UGGT2: variants seen among roughly 807,000 people sequenced by gnomAD.
UGGT2 encodes the protein UDP-glucose:glycoprotein glucosyltransferase 2.
Under a neutral mutation model 192.1 loss-of-function variants are expected in UGGT2, and 180 were observed. That is an observed-to-expected ratio of 0.94 (90% CI 0.83 to 1.06). UGGT2 has a LOEUF of 1.06. Among genes scored for constraint, UGGT2 ranks in the 50% least tolerant of loss-of-function variants. The pLI is 0.00. For synonymous variants in UGGT2, 580 were observed against 591.0 expected (o/e 0.98, Z 0.27); for missense variants, 1,849 against 1,795.7 (o/e 1.03, Z -0.54).
chr13:95,826,639 C>CTA (rs375247442), intron 38 of UGGT2, among the ~76,000 whole-genome samples: 30 of 150,674 alleles, frequency 2.0e-4, no homozygotes, highest in East Asian at 5.8e-4. Context: ...AAAGCTTAAA[C>CTA]TATATATATA....
chr13:95,864,722 C>A (rs182611336), intron 30 of UGGT2, among the ~76,000 whole-genome samples: 96 of 152,220 alleles, frequency 6.3e-4, no homozygotes, highest in Non-Finnish European at 9.9e-4. Context: ...AGACATTTTT[C>A]TTAAAGTTCA....
chr13:95,903,929 G>A (rs538358623), intron 20 of UGGT2, among the ~76,000 whole-genome samples: 1 of 152,120 alleles, frequency 6.6e-6, no homozygotes, highest in Admixed American at 6.5e-5. Context: ...TATCTCATCA[G>A]GGTTTTAATT....
At position 95,869,959 on chromosome 13, in the gene UGGT2, A is replaced by G. The variant is rs974774346; in HGVS notation, c.3474-2536T>C. Among the ~76,000 whole-genome samples the G allele has an allele frequency of 2.6e-5, 4 of 152,230 alleles. 1 individual carries two copies. The highest frequency in any genetic ancestry group is 1.3e-4 in the Admixed American group (2 of 15,288). On this transcript the variant is annotated intron_variant, in intron 29 of 38. Transcript: ENST00000376747. ...CATGTGTCTCCTGAAATTCTAAAAA[A>G]CAATTTATATTTTCAGAGAAGAAAT...
rs1027490353 is a variant in UGGT2, at chr13:96,018,792, C to T, written c.485+4248G>A. Among the ~76,000 whole-genome samples the T allele has an allele frequency of 1.4e-5, 2 of 142,886 alleles. 1 individual carries two copies. Among genetic ancestry groups the T allele is most frequent in the South Asian group, 4.6e-4 (2 of 4,310 alleles). 93.7% of individuals were successfully genotyped at this position (142,886 alleles called of 152,430 possible). On this transcript the variant is annotated intron_variant, in intron 4 of 38. Transcript: ENST00000376747. ...ACCAAGTGTTTAGCTCAACCACAGA[C>T]AGAAGAAAATACATAAATGCAAAAC...
Position 95,801,673 on chromosome 13 carries a change from G to T in UGGT2, c.*117C>A. On this transcript the variant is annotated 3_prime_UTR_variant, in exon 39 of 39. Coordinates refer to ENST00000376747, the MANE Select transcript of UGGT2 (RefSeq NM_020121.4). ...ATAATTACAATTTTTTAAAATTAAAGAATATGTCACTGATCTTAACGAGAC... is the reference window on the plus strand; with the variant it reads ...ATAATTACAATTTTTTAAAATTAAATAATATGTCACTGATCTTAACGAGAC... 1 of 982,622 alleles carries T rather than the reference G, an allele frequency of 1.0e-6. No homozygotes were observed. Among genetic ancestry groups the T allele is most frequent in the East Asian group, 2.6e-5 (1 of 39,012 alleles). 60.9% of individuals were successfully genotyped at this position (982,622 alleles called of 1,614,324 possible).
At chr13:95,852,425 G>A (rs2140028052) in intron 36 of UGGT2, among the ~76,000 whole-genome samples, 1 of 152,198 alleles carries the variant, frequency 6.6e-6, no homozygotes, top group African/African-American at 2.4e-5. Context: ...ATTTATACCT[G>A]CAAGCCCCAG....
At chr13:95,961,010 G>T (rs772737324) in intron 12 of UGGT2, among the ~76,000 whole-genome samples, 4 of 152,174 alleles carry the variant, frequency 2.6e-5, no homozygotes, top group Non-Finnish European at 5.9e-5. Flanking sequence ...TTCACCACTA[G>T]ACCAGCCCTG....
intron 26 of UGGT2, chr13:95,887,349 T>C (rs747750268): frequency 2.0e-6 from 1 of 507,226 alleles, no homozygotes; most frequent in Non-Finnish European, 3.9e-6. Context: ...TGAATGACAG[T>C]GATTCTGATC....
At chr13:95,967,588 C>A (rs184270204) in intron 12 of UGGT2, among the ~76,000 whole-genome samples, 216 of 151,456 alleles carry the variant, frequency 1.4e-3, no homozygotes, top group African/African-American at 4.8e-3. Context: ...ATTTTCCTGC[C>A]TCAGCCTCCC....
At chr13:95,910,304 TAA>T (rs2048447635) in intron 20 of UGGT2, among the ~76,000 whole-genome samples, 3 of 152,080 alleles carry the variant, frequency 2.0e-5, no homozygotes, top group South Asian at 4.1e-4. Flanking sequence ...GGAAATTGGA[TAA>T]AGAGTCAAGA....
chr13:96,021,870 A>G (rs1454327663), intron 4 of UGGT2, among the ~76,000 whole-genome samples: 2 of 152,212 alleles, frequency 1.3e-5, no homozygotes, highest in African/African-American at 4.8e-5. Context: ...AATACAACAC[A>G]GATGTAAATT....
chr13:95,830,171 A>C (rs1044254430), intron 38 of UGGT2, among the ~76,000 whole-genome samples: 15 of 152,228 alleles, frequency 9.9e-5, no homozygotes, highest in African/African-American at 2.7e-4. Context: ...TAAAACCATA[A>C]AAACTGTAGA....
chr13:95,932,311 T>TGTGTG (rs2049311268), intron 17 of UGGT2, among the ~76,000 whole-genome samples: 28 of 139,508 alleles, frequency 2.0e-4, no homozygotes, highest in African/African-American at 5.4e-4. Context: ...GGTATTTTAT[T>TGTGTG]TGTGTGTGTG....
chr13:96,007,279 T>A (rs2052011316), intron 5 of UGGT2, among the ~76,000 whole-genome samples: 1 of 152,210 alleles, frequency 6.6e-6, no homozygotes, highest in Non-Finnish European at 1.5e-5. Flanking sequence ...CCCAACAAAC[T>A]AGGTATAGAG....
chr13:96,024,099 G>C (rs766794722), intron 2 of UGGT2, among the ~76,000 whole-genome samples: 3 of 152,134 alleles, frequency 2.0e-5, no homozygotes, highest in Non-Finnish European at 4.4e-5. Context: ...TAGAAATTAA[G>C]AACAGCAGAA....
At chr13:95,846,124 G>A (rs562385266) in intron 36 of UGGT2, among the ~76,000 whole-genome samples, 1 of 152,296 alleles carries the variant, frequency 6.6e-6, no homozygotes, top group East Asian at 1.9e-4. Flanking sequence ...CTGCACTCCA[G>A]CCTGGGCAAC....
At chr13:95,981,107 C>T (rs534117452) in intron 10 of UGGT2, among the ~76,000 whole-genome samples, 1 of 152,334 alleles carries the variant, frequency 6.6e-6, no homozygotes, top group Non-Finnish European at 1.5e-5. Flanking sequence ...GTCATATCCT[C>T]TTTATCTCCT....
Position 95,947,916 on chromosome 13 carries a change from A to G in UGGT2, c.1541+80T>C. 9 of 1,229,576 alleles carry G rather than the reference A, an allele frequency of 7.3e-6. No individual in the cohort carries two copies. The South Asian group carries it at 1.2e-4, about 16-fold the overall frequency. The allele number at this position is 1,229,576 out of a possible 1,614,324, so 76.2% of individuals were successfully genotyped here. ...AGCTAACCATCGCTTTGAATGCCCT[A>G]TTAATACTCTGTGTAACACAATATG... On this transcript the variant is annotated intron_variant, in intron 14 of 38. Transcript: ENST00000376747.
chr13:95,813,744 C>A (rs548802305), intron 38 of UGGT2, among the ~76,000 whole-genome samples: 10 of 152,194 alleles, frequency 6.6e-5, no homozygotes, highest in African/African-American at 2.2e-4. Flanking sequence ...ATTTCAGAGA[C>A]CTTTGCAGCA....
Sources: allele counts gnomAD v4.1 joint callset (sites outside exome capture counted in the v4.1 genomes callset), GRCh38; gene constraint gnomAD v4.1.1; transcripts MANE v1.5; gene names NCBI Gene and HGNC (gene_info 2026-07-23, HGNC 2026-07-21).